SLC24A2: variants seen among roughly 807,000 people sequenced by gnomAD.
The protein encoded by SLC24A2 is solute carrier family 24 member 2.
SLC24A2 carries 36 observed loss-of-function variants against 62.0 expected under a neutral mutation model. That is an observed-to-expected ratio of 0.58 (90% CI 0.44 to 0.77). The LOEUF (loss-of-function observed/expected upper bound fraction) is 0.77. SLC24A2 is among the 30% of genes least tolerant of loss of function. SLC24A2 has a pLI of 0.00. For missense variants in SLC24A2, 846 were observed against 817.9 expected (o/e 1.03, Z -0.42); for synonymous variants, 358 against 294.0 (o/e 1.22, Z -2.23).
intron 8 of SLC24A2, among the ~76,000 whole-genome samples, chr9:19,533,642 G>A (rs2132679049): frequency 6.6e-6 from 1 of 152,256 alleles, no homozygotes; most frequent in South Asian, 2.1e-4. Context: ...AGCTTCAATA[G>A]CCCTGTACCA....
At chr9:20,295,529 G>C in the SLC24A2 span, among the ~76,000 whole-genome samples, 63 of 152,300 alleles carry the variant, frequency 4.1e-4, no homozygotes, top group Non-Finnish European at 7.5e-4. Context: ...TAGTGTGTGA[G>C]TGTGAATGAA....
chr9:19,646,320 C>T (rs1390507653), intron 2 of SLC24A2, among the ~76,000 whole-genome samples: 3 of 152,184 alleles, frequency 2.0e-5, no homozygotes, highest in African/African-American at 7.2e-5. Context: ...TGTGCTTTTA[C>T]CCAACAGATC....
At chr9:19,663,125 G>A (rs562358076) in intron 2 of SLC24A2, among the ~76,000 whole-genome samples, 30 of 152,184 alleles carry the variant, frequency 2.0e-4, no homozygotes, top group Non-Finnish European at 3.1e-4. Flanking sequence ...AATAGGAAAG[G>A]GAAAGACAGA....
At chr9:19,866,660 G>A in the SLC24A2 span, among the ~76,000 whole-genome samples, 3 of 119,766 alleles carry the variant, frequency 2.5e-5, no homozygotes, top group African/African-American at 6.5e-5. Flanking sequence ...TTTTTGAGAC[G>A]GAGTCTCGCT....
At chr9:20,257,539 C>T in the SLC24A2 span, among the ~76,000 whole-genome samples, 7 of 152,200 alleles carry the variant, frequency 4.6e-5, no homozygotes, top group East Asian at 3.9e-4. Flanking sequence ...AAACTAGTGG[C>T]GTGTCATTGG....
the SLC24A2 span, among the ~76,000 whole-genome samples, chr9:20,261,136 G>A: frequency 6.6e-6 from 1 of 151,942 alleles, no homozygotes; most frequent in South Asian, 2.1e-4. Flanking sequence ...GGGATTACAG[G>A]CACGAGCCAC....
the SLC24A2 span, among the ~76,000 whole-genome samples, chr9:20,216,298 A>C: frequency 6.6e-6 from 1 of 152,138 alleles, no homozygotes; most frequent in Non-Finnish European, 1.5e-5. Flanking sequence ...GATTAAACTT[A>C]ATTTTGGTTT....
chr9:19,559,466 G>C (rs980280650), intron 7 of SLC24A2, among the ~76,000 whole-genome samples: 35 of 152,248 alleles, frequency 2.3e-4, no homozygotes, highest in African/African-American at 7.7e-4. Context: ...GCTTTAAGTA[G>C]ACTTACTATC....
intron 2 of SLC24A2, among the ~76,000 whole-genome samples, chr9:19,634,640 T>C (rs1351440991): frequency 6.6e-6 from 1 of 152,202 alleles, no homozygotes; most frequent in Non-Finnish European, 1.5e-5. Flanking sequence ...CATATCTCTT[T>C]GCATTCCCCA....
chr9:19,736,665 C>T (rs1167799166), intron 2 of SLC24A2, among the ~76,000 whole-genome samples: 4 of 151,920 alleles, frequency 2.6e-5, no homozygotes, highest in Admixed American at 2.6e-4. Context: ...ATAGTGAGAC[C>T]CTCGTCTCTA....
In SLC24A2 at chr9:19,597,932, G is replaced by C. The variant is rs574498692; in HGVS notation, c.1079-653C>G. Reference sequence around the variant, plus strand: ...CCACAGCTCCAGGACTAAGGCATTGGTGGCTGCTATGTAAACAGCAGGAGG... The same window carrying C: ...CCACAGCTCCAGGACTAAGGCATTGCTGGCTGCTATGTAAACAGCAGGAGG... On this transcript the variant is annotated intron_variant, in intron 4 of 10. Transcript: ENST00000341998. Among the ~76,000 whole-genome samples the C allele has an allele frequency of 7.2e-5, 11 of 152,248 alleles. No individual in the cohort carries two copies. In the South Asian group the frequency reaches 2.3e-3, roughly 32 times the overall value.
At chr9:19,639,269 C>A (rs1818433961) in intron 2 of SLC24A2, among the ~76,000 whole-genome samples, 1 of 152,214 alleles carries the variant, frequency 6.6e-6, no homozygotes, top group African/African-American at 2.4e-5. Flanking sequence ...GGCTGCAATT[C>A]TTCTCTTCCC....
chr9:19,734,246 T>C (rs558475997), intron 2 of SLC24A2, among the ~76,000 whole-genome samples: 1 of 152,170 alleles, frequency 6.6e-6, no homozygotes, highest in Admixed American at 6.6e-5. Flanking sequence ...TTGGTCTATA[T>C]CTCTGTTTTG....
rs188288154 is a variant in SLC24A2 at position 19,521,879 on chromosome 9, T to C, written c.1570-819A>G. ...TACTTTTTTTCTTTTTTTTTCTTTT[T>C]TTTTTTTTGGTCTTTTTCTTTGCCT... is the stretch of plus-strand genomic sequence containing the variant. On this transcript the variant is annotated intron_variant, in intron 9 of 10. Transcript: ENST00000341998. Among the ~76,000 whole-genome samples, 76 of 152,074 alleles carry C rather than the reference T, an allele frequency of 5.0e-4. No homozygotes were observed. In the East Asian group the frequency reaches 0.013, roughly 27 times the overall value.
the SLC24A2 span, among the ~76,000 whole-genome samples, chr9:20,236,157 G>T: frequency 1.3e-5 from 2 of 152,136 alleles, no homozygotes; most frequent in East Asian, 3.9e-4. Flanking sequence ...GCTTTCTTAG[G>T]GTAACACGTG....
the SLC24A2 span, among the ~76,000 whole-genome samples, chr9:20,304,955 T>C: frequency 6.6e-6 from 1 of 151,908 alleles, no homozygotes; most frequent in Non-Finnish European, 1.5e-5. Context: ...ATGAGTCTTA[T>C]GATCATACCA....
At chr9:20,118,746 A>G in the SLC24A2 span, among the ~76,000 whole-genome samples, 1 of 152,158 alleles carries the variant, frequency 6.6e-6, no homozygotes, top group Non-Finnish European at 1.5e-5. Context: ...TAGAAGACCA[A>G]AAATAATAGG....
chr9:19,903,351 G>C, the SLC24A2 span, among the ~76,000 whole-genome samples: 1 of 152,092 alleles, frequency 6.6e-6, no homozygotes, highest in Non-Finnish European at 1.5e-5. Context: ...GTGAGCTCTG[G>C]TCCCTTTTCC....
intron 2 of SLC24A2, among the ~76,000 whole-genome samples, chr9:19,670,340 T>C (rs1003159367): frequency 3.9e-5 from 6 of 152,174 alleles, no homozygotes; most frequent in African/African-American, 1.2e-4. Context: ...AATATAACTA[T>C]AGAACAAAAT....
Sources: gnomAD v4.1 joint callset for allele counts (sites outside exome capture counted in the v4.1 genomes callset) on GRCh38, gnomAD v4.1.1 for gene constraint, MANE v1.5 for transcripts, NCBI Gene and HGNC (gene_info 2026-07-23, HGNC 2026-07-21) for gene names.